Variants in ZFHX3 observed in about 807,000 individuals in gnomAD.
ZFHX3 encodes zinc finger homeobox 3.
Under a neutral mutation model 279.1 loss-of-function variants are expected in ZFHX3, and 42 were observed. The observed-to-expected ratio is 0.15, with a 90% CI of 0.12 to 0.19. ZFHX3 has a LOEUF of 0.19. Among genes scored for constraint, ZFHX3 ranks in the 10% least tolerant of loss-of-function variants. ZFHX3 has a pLI of 1.00. For synonymous variants in ZFHX3, 2,293 were observed against 1,957.8 expected, an observed-to-expected ratio of 1.17 and a Z score of -4.52; for missense variants, 4,981 against 4,754.0, an observed-to-expected ratio of 1.05 and a Z score of -1.40.
intron 2 of ZFHX3, among the ~76,000 whole-genome samples, chr16:73,551,753 C>T (rs1410620199): frequency 2.0e-5 from 3 of 152,148 alleles, no homozygotes; most frequent in Non-Finnish European, 4.4e-5. Flanking sequence ...TACCCACAGC[C>T]CACTTGATTA....
intron 1 of ZFHX3, among the ~76,000 whole-genome samples, chr16:73,873,787 G>T (rs951303425): frequency 6.6e-6 from 1 of 152,088 alleles, no homozygotes; most frequent in Non-Finnish European, 1.5e-5. Flanking sequence ...TGTGGCTCAC[G>T]TGACTAAATA....
chr16:73,823,258 G>A (rs1056384653), intron 1 of ZFHX3, among the ~76,000 whole-genome samples: 3 of 152,122 alleles, frequency 2.0e-5, no homozygotes, highest in African/African-American at 7.2e-5. Flanking sequence ...AGAGAAATAG[G>A]GGGAAGGAGT....
intron 2 of ZFHX3, among the ~76,000 whole-genome samples, chr16:73,485,840 T>C (rs550377278): frequency 6.6e-6 from 1 of 152,304 alleles, no homozygotes; most frequent in African/African-American, 2.4e-5. Context: ...TCCAGCCTTG[T>C]CTGACTTTCT....
At chr16:73,303,777 C>T (rs572528272) in intron 4 of ZFHX3, among the ~76,000 whole-genome samples, 3 of 151,800 alleles carry the variant, frequency 2.0e-5, no homozygotes, top group Non-Finnish European at 4.4e-5. Context: ...TGTGGAAAGT[C>T]GACAGCAATT....
intron 2 of ZFHX3, among the ~76,000 whole-genome samples, chr16:73,515,381 G>A (rs575466302): frequency 6.6e-6 from 1 of 152,208 alleles, no homozygotes; most frequent in Non-Finnish European, 1.5e-5. Context: ...TGGTGCCAAT[G>A]TGGTAGGGCT....
At chr16:72,969,878 C>A (rs909291716) in intron 1 of ZFHX3, among the ~76,000 whole-genome samples, 1 of 152,216 alleles carries the variant, frequency 6.6e-6, no homozygotes, top group African/African-American at 2.4e-5. Flanking sequence ...CAGCAGCCTT[C>A]AGGATTGCTC....
intron 1 of ZFHX3, among the ~76,000 whole-genome samples, chr16:73,721,084 TAAG>T (rs2053469222): frequency 6.6e-6 from 1 of 152,212 alleles, no homozygotes; most frequent in Non-Finnish European, 1.5e-5. Context: ...ACTTCCTCCA[TAAG>T]AAGAACCAAG....
chr16:73,748,823 T>C (rs1259566723), intron 1 of ZFHX3, among the ~76,000 whole-genome samples: 1 of 152,192 alleles, frequency 6.6e-6, no homozygotes, highest in African/African-American at 2.4e-5. Context: ...GTTTTGCTCT[T>C]GTCGCCCAGG....
chr16:73,152,334 A>G (rs180740497), intron 5 of ZFHX3, among the ~76,000 whole-genome samples: 213 of 152,314 alleles, frequency 1.4e-3, no homozygotes, highest in African/African-American at 5.0e-3. Context: ...AGCTTTATCA[A>G]GGAAGATTAT....
At chr16:73,296,120 C>T (rs1033288489) in intron 4 of ZFHX3, among the ~76,000 whole-genome samples, 1 of 151,748 alleles carries the variant, frequency 6.6e-6, no homozygotes, top group African/African-American at 2.4e-5. Flanking sequence ...TTCAAACCAT[C>T]GTGTCCTGAC....
intron 3 of ZFHX3, among the ~76,000 whole-genome samples, chr16:73,375,252 A>G (rs543335314): frequency 9.3e-4 from 142 of 152,250 alleles, no homozygotes; most frequent in African/African-American, 3.3e-3. Context: ...CATGGTAGTT[A>G]TTTTTGATAA....
intron 4 of ZFHX3, among the ~76,000 whole-genome samples, chr16:72,843,306 C>T (rs543416977): frequency 2.6e-5 from 4 of 151,862 alleles, no homozygotes; most frequent in Non-Finnish European, 5.9e-5. Flanking sequence ...GTCAGGAGAT[C>T]GAGACCATCC....
chr16:73,565,228 T>C (rs73602961), intron 2 of ZFHX3, among the ~76,000 whole-genome samples: 27,311 of 151,328 alleles, frequency 0.18, 2,599 homozygotes, highest in African/African-American at 0.19. Flanking sequence ...CACTCTGGCC[T>C]GAGCAACAGA....
At chr16:73,125,750 A>C (rs1161254271) in intron 7 of ZFHX3, among the ~76,000 whole-genome samples, 3 of 151,946 alleles carry the variant, frequency 2.0e-5, no homozygotes, top group African/African-American at 4.8e-5. Flanking sequence ...GGAAGCTGTG[A>C]TCGTGTGAGT....
intron 2 of ZFHX3, chr16:73,499,369 G>T (rs1030163282): frequency 6.6e-6 from 1 of 152,188 alleles, no homozygotes. Context: ...TTGAGAGGTG[G>T]GTAACAAGCT....
intron 1 of ZFHX3, among the ~76,000 whole-genome samples, chr16:73,788,175 A>G (rs1362111490): frequency 6.6e-6 from 1 of 152,138 alleles, no homozygotes; most frequent in Non-Finnish European, 1.5e-5. Context: ...GAGAAAGACA[A>G]CCAATTCTGA....
At chr16:73,851,801 G>A (rs1567430512) in intron 1 of ZFHX3, among the ~76,000 whole-genome samples, 1 of 152,100 alleles carries the variant, frequency 6.6e-6, no homozygotes, top group African/African-American at 2.4e-5. Flanking sequence ...GAGGCATTAG[G>A]ATCAACAGAT....
chr16:73,136,135 C>A (rs1384765580), intron 6 of ZFHX3, among the ~76,000 whole-genome samples: 1 of 152,152 alleles, frequency 6.6e-6, no homozygotes, highest in African/African-American at 2.4e-5. Context: ...GGATTACAGG[C>A]GTGATTATTT....
intron 1 of ZFHX3, among the ~76,000 whole-genome samples, chr16:73,779,799 C>G (rs1304779386): frequency 6.6e-6 from 1 of 152,108 alleles, no homozygotes; most frequent in East Asian, 1.9e-4. Context: ...CTCAATGCAA[C>G]CTCCAACTCC....
Sources: gnomAD v4.1 joint callset for allele counts (sites outside exome capture counted in the v4.1 genomes callset) on GRCh38, gnomAD v4.1.1 for gene constraint, MANE v1.5 for transcripts, NCBI Gene and HGNC (gene_info 2026-07-23, HGNC 2026-07-21) for gene names.